The following COLEC10 variants were observed in gnomAD, a reference collection of about 807,000 sequenced individuals.
The protein encoded by COLEC10 is collectin-10.
Under a neutral mutation model 28.4 loss-of-function variants are expected in COLEC10, and 22 were observed. That is an observed-to-expected ratio of 0.78 (90% CI 0.55 to 1.11). The LOEUF (loss-of-function observed/expected upper bound fraction) is 1.11. COLEC10 is among the 50% of genes least tolerant of loss of function. The probability of loss-of-function intolerance (pLI) is 0.00; values close to 1 mark genes in which losing one functional copy is unlikely to be tolerated. For synonymous variants in COLEC10, 125 were observed against 116.1 expected (o/e 1.08, Z -0.49); for missense variants, 361 against 344.1 (o/e 1.05, Z -0.39).
At chr8:119,034,640 C>T (rs1291314874) in intron 2 of COLEC10, among the ~76,000 whole-genome samples, 2 of 152,084 alleles carry the variant, frequency 1.3e-5, no homozygotes, top group Admixed American at 6.6e-5. Context: ...ACCCAGGAGG[C>T]GGAGGTTGCA....
intron 2 of COLEC10, among the ~76,000 whole-genome samples, chr8:119,015,158 A>G (rs762318488): frequency 4.0e-5 from 6 of 150,446 alleles, no homozygotes; most frequent in Admixed American, 6.6e-5. Flanking sequence ...GGCATGATGT[A>G]TTGGGTAAAA....
At chr8:119,066,598 G>T (rs1814968104), upstream of COLEC10, among the ~76,000 whole-genome samples, 1 of 152,152 alleles carries the variant, frequency 6.6e-6, no homozygotes, top group Non-Finnish European at 1.5e-5. Flanking sequence ...ATGAAGCTTT[G>T]CCCACATTTC....
chr8:119,009,948 C>T (rs1285503498), intron 2 of COLEC10, among the ~76,000 whole-genome samples: 1 of 150,668 alleles, frequency 6.6e-6, no homozygotes, highest in Non-Finnish European at 1.5e-5. Flanking sequence ...CCCCACATCC[C>T]ATGCACAGTC....
chr8:119,017,316 C>T (rs1814012045), intron 2 of COLEC10, among the ~76,000 whole-genome samples: 1 of 152,148 alleles, frequency 6.6e-6, no homozygotes, highest in South Asian at 2.1e-4. Flanking sequence ...AATTATAAGG[C>T]AATACCTACC....
At chr8:119,067,516 T>C in intron 1 of COLEC10, 87 bp downstream of exon 1, 1 of 1,234,466 alleles carries the variant, frequency 8.1e-7, no homozygotes, top group Non-Finnish European at 1.1e-6. Context: ...TCAATGACTT[T>C]CTCTTCTCTC....
At chr8:118,956,727 C>T in the COLEC10 span, among the ~76,000 whole-genome samples, 61 of 152,258 alleles carry the variant, frequency 4.0e-4, no homozygotes, top group African/African-American at 1.4e-3. Context: ...TACTCTACAC[C>T]TACTCAGGTT....
At chr8:119,057,883 T>C (rs531340704) in intron 2 of COLEC10, among the ~76,000 whole-genome samples, 11 of 152,202 alleles carry the variant, frequency 7.2e-5, no homozygotes, top group African/African-American at 2.6e-4. Flanking sequence ...ATTGATTTCT[T>C]AATAAGTAAA....
the COLEC10 span, among the ~76,000 whole-genome samples, chr8:118,974,295 C>T: frequency 3.8e-4 from 58 of 151,872 alleles, no homozygotes; most frequent in African/African-American, 1.4e-3. Context: ...TACATGAAGA[C>T]CTATTTGTTA....
At chr8:119,072,280 G>A in intron 1 of COLEC10, among the ~76,000 whole-genome samples, 1 of 150,634 alleles carries the variant, frequency 6.6e-6, no homozygotes, top group South Asian at 2.1e-4. Context: ...TTGAGTAGCT[G>A]AGCACACATT....
chr8:118,983,794 A>G, the COLEC10 span, among the ~76,000 whole-genome samples: 11 of 152,176 alleles, frequency 7.2e-5, no homozygotes, highest in East Asian at 5.8e-4. Flanking sequence ...ATACCATCTG[A>G]CACCAGTCAG....
chr8:119,072,075 C>T (rs976549353), intron 1 of COLEC10, among the ~76,000 whole-genome samples: 8 of 152,218 alleles, frequency 5.3e-5, no homozygotes, highest in African/African-American at 1.9e-4. Context: ...GCCACTAACA[C>T]ACTGCTGCCT....
At chr8:119,084,349 A>T (rs1038697452) in intron 1 of COLEC10, among the ~76,000 whole-genome samples, 1 of 152,110 alleles carries the variant, frequency 6.6e-6, no homozygotes, top group African/African-American at 2.4e-5. Flanking sequence ...ACGTCATCCC[A>T]CCTTTCCAGG....
intron 2 of COLEC10, among the ~76,000 whole-genome samples, chr8:119,061,547 A>G (rs190879656): frequency 6.6e-6 from 1 of 152,214 alleles, no homozygotes; most frequent in East Asian, 1.9e-4. Flanking sequence ...CAACACTAAA[A>G]GCTAAAAGAA....
At chr8:119,072,522 C>G (rs1411398036) in intron 1 of COLEC10, among the ~76,000 whole-genome samples, 1 of 152,154 alleles carries the variant, frequency 6.6e-6, no homozygotes, top group East Asian at 1.9e-4. Flanking sequence ...AAGTCACTAG[C>G]TCAAGGCCAC....
chr8:119,002,737 G>A (rs1035750973), intron 1 of COLEC10, among the ~76,000 whole-genome samples: 1 of 152,058 alleles, frequency 6.6e-6, no homozygotes, highest in Non-Finnish European at 1.5e-5. Flanking sequence ...GGATGAGTAG[G>A]GTTTACCCAG....
chr8:119,089,843 A>C (rs1203010768), intron 2 of COLEC10, 92 bp downstream of exon 2: 12 of 983,798 alleles, frequency 1.2e-5, no homozygotes, highest in Non-Finnish European at 1.9e-5. Context: ...AGCTTTCATA[A>C]TGCCCTCTGC....
At chr8:119,040,241 C>T (rs1033392619) in intron 2 of COLEC10, among the ~76,000 whole-genome samples, 28 of 152,242 alleles carry the variant, frequency 1.8e-4, no homozygotes, top group African/African-American at 5.8e-4. Context: ...AAGGCAGTTA[C>T]CAACCACAAC....
At chr8:119,013,136 C>A (rs1224184272) in intron 2 of COLEC10, among the ~76,000 whole-genome samples, 1 of 150,224 alleles carries the variant, frequency 6.7e-6, no homozygotes, top group African/African-American at 2.5e-5. Context: ...TGTGGCATTC[C>A]ATGAATTGAA....
intron 1 of COLEC10, among the ~76,000 whole-genome samples, chr8:119,007,153 G>A (rs999583967): frequency 2.0e-5 from 3 of 152,010 alleles, no homozygotes; most frequent in African/African-American, 2.4e-5. Context: ...GCCAAACCAC[G>A]TTAGACTGAA....
Sources: allele counts gnomAD v4.1 joint callset (sites outside exome capture counted in the v4.1 genomes callset), GRCh38; gene constraint gnomAD v4.1.1; transcripts MANE v1.5; gene names NCBI Gene and HGNC (gene_info 2026-07-23, HGNC 2026-07-21).